Variants in MICALL2 observed in about 807,000 individuals in gnomAD.
MICALL2 encodes MICAL-like protein 2.
MICALL2 carries 111 observed loss-of-function variants against 91.1 expected under a neutral mutation model. That is an observed-to-expected ratio of 1.22 (90% CI 1.04 to 1.43). The LOEUF (loss-of-function observed/expected upper bound fraction) is 1.43. MICALL2 is among the 40% of genes most tolerant of loss of function. The pLI, the probability that MICALL2 is intolerant of heterozygous loss-of-function variation, is 0.00. For synonymous variants in MICALL2, 694 were observed against 525.3 expected (o/e 1.32, Z -4.39); for missense variants, 1,556 against 1,236.0 (o/e 1.26, Z -3.88).
chr7:1,444,381 G>A (rs1780458454), intron 6 of MICALL2, among the ~76,000 whole-genome samples: 1 of 152,208 alleles, frequency 6.6e-6, no homozygotes, highest in Non-Finnish European at 1.5e-5. Flanking sequence ...GGGGGCCCCG[G>A]AGCGGCAGCG....
intron 9 of MICALL2, chr7:1,439,451 C>A: frequency 5.5e-6 from 1 of 181,384 alleles, no homozygotes; most frequent in South Asian, 1.2e-4. Flanking sequence ...GACACACATG[C>A]ATCGCACATG....
chr7:1,439,111 G>A (rs1584201637), intron 9 of MICALL2, 116 bp from the exon 10 acceptor site: 1 of 811,030 alleles, frequency 1.2e-6, no homozygotes, highest in Non-Finnish European at 1.9e-6. Flanking sequence ...CATGCCCTGG[G>A]CCTCCCGACT....
intron 2 of MICALL2, 65 bp downstream of exon 2, chr7:1,450,175 C>T (rs1390260654): frequency 4.4e-6 from 6 of 1,369,378 alleles, no homozygotes; most frequent in East Asian, 2.3e-5. Flanking sequence ...CTCGGTCCCT[C>T]GGACGTGGGT....
rs1780810984 is a variant in MICALL2 at position 1,451,117 on chromosome 7, T to C, written c.144-829A>G. ...TGACTCGCACACTACACCACAGGGATGCAAGGGTCCCGGGAAGTTCCCGAG... is the reference window on the plus strand; with the variant it reads ...TGACTCGCACACTACACCACAGGGACGCAAGGGTCCCGGGAAGTTCCCGAG... On this transcript the variant is annotated intron_variant, in intron 1 of 16. Coordinates refer to ENST00000297508, the MANE Select transcript of MICALL2 (RefSeq NM_182924.4). This position sits in a 1 kb window ranked among gnomAD's most constrained non-coding sequence, Gnocchi z 4.5. Among the ~76,000 whole-genome samples, 2 of 152,062 alleles carry C rather than the reference T, an allele frequency of 1.3e-5. No individual in the cohort carries two copies. Among genetic ancestry groups the C allele is most frequent in the African/African-American group, 4.8e-5 (2 of 41,414 alleles).
Position 1,447,671 on chromosome 7 carries a change from C to A in MICALL2, c.429G>T (p.Ser143=). The A allele has an allele frequency of 6.3e-7, 1 of 1,585,570 alleles. No homozygotes were observed. The highest frequency in any genetic ancestry group is 1.2e-5 in the South Asian group (1 of 86,756). Residue 143 remains serine (S), a synonymous_variant, in exon 4 of 17, where the codon TCG becomes TCT. Transcript: ENST00000297508. The part of the protein sequence containing the change: ...KAPVQAAKLP[S]PAPARKPPLS... ...GTGGAGGCTTCCGGGCTGGGGCGGG[C>A]GAGGGCAGCTTGGCCGCCTGGACTG...
intron 9 of MICALL2, 30 bp from the exon 10 acceptor site, chr7:1,439,025 C>A: frequency 6.5e-7 from 1 of 1,549,780 alleles, no homozygotes; most frequent in East Asian, 2.3e-5. Context: ...CAGAGCCACG[C>A]TTCAGAGCAG....
intron 1 of MICALL2, among the ~76,000 whole-genome samples, chr7:1,458,227 G>A (rs538896579): frequency 6.6e-6 from 1 of 152,340 alleles, no homozygotes; most frequent in Admixed American, 6.5e-5. Flanking sequence ...TGTGACCTGA[G>A]CAAGGACCCC....
intron 2 of MICALL2, among the ~76,000 whole-genome samples, chr7:1,449,466 C>T (rs1308886071): frequency 3.3e-5 from 5 of 152,232 alleles, no homozygotes; most frequent in Non-Finnish European, 5.9e-5. Context: ...CGCACCACCA[C>T]GCCCCACTAA....
Position 1,445,140 on chromosome 7 carries a change from G to C in MICALL2, c.930C>G (p.Ser310Arg). The C allele has an allele frequency of 6.4e-7, 1 of 1,567,026 alleles. No individual in the cohort carries two copies. Among genetic ancestry groups the C allele is most frequent in the Non-Finnish European group, 8.6e-7 (1 of 1,157,024 alleles). Residue 310 changes from serine (S) to arginine (R), a missense_variant, in exon 6 of 17, where the codon AGC (serine) becomes AGG (arginine). Coordinates refer to ENST00000297508, the MANE Select transcript of MICALL2 (RefSeq NM_182924.4). ...GGCTCCTCACGTGGACGGACGTGGC[G>C]CTGGTGGCTGCAGGGTTGGGTGCAG... is the stretch of plus-strand genomic sequence containing the variant. ...VPAAPNPAATSATSVHVRSPA... is the reference protein window; with the variant it reads ...VPAAPNPAATRATSVHVRSPA...
At chr7:1,439,299 GCA>G (rs769110277) in intron 9 of MICALL2, 2 of 388,320 alleles carry the variant, frequency 5.2e-6, no homozygotes, top group Non-Finnish European at 9.4e-6. Context: ...AGATGTGTGT[GCA>G]CACACACGCA....
intron 16 of MICALL2, 62 bp downstream of exon 16, chr7:1,435,039 A>C (rs1317557819): frequency 4.3e-6 from 5 of 1,158,348 alleles, no homozygotes; most frequent in East Asian, 5.5e-5. Flanking sequence ...CCAGCCCAGC[A>C]CTCAGCATCC....
chr7:1,445,415 A>G lies in MICALL2; in HGVS notation c.655T>C (p.Ser219Pro). Residue 219 changes from serine to proline, a missense_variant, in exon 6 of 17, where the codon TCC (serine) becomes CCC (proline). Ser to Pro is a moderately conservative substitution (Grantham distance 74). Transcript: ENST00000297508. ...TAGGCCCCCGAGTGCAGCGTGCAGGAGCACTGCTTACACCTGGGGGAGGAA... is the reference window on the plus strand; with the variant it reads ...TAGGCCCCCGAGTGCAGCGTGCAGGGGCACTGCTTACACCTGGGGGAGGAA... The part of the protein sequence containing the change: ...HRSCFRCKQC[S>P]CTLHSGAYKA... 3.2e-6 allele frequency: 5 copies of G among 1,546,438 alleles called. No homozygotes were observed. Among genetic ancestry groups the G allele is most frequent in the Non-Finnish European group, 4.3e-6 (5 of 1,152,888 alleles).
rs111251626 is a variant in MICALL2, at chr7:1,437,694, T to G, written c.2403-86A>C. 1.4e-3 allele frequency: 2,030 copies of G among 1,408,402 alleles called. 8 individuals carry two copies. The African/African-American group carries it at 0.022, about 16-fold the overall frequency. 87.2% of individuals were successfully genotyped at this position (1,408,402 alleles called of 1,614,324 possible). On this transcript the variant is annotated intron_variant, in intron 13 of 16. Transcript: ENST00000297508. ...CCAGCCCGCAACGAGGTCCTGGACC[T>G]GCCACACAGACACGAGTCTGAGGCC...
In MICALL2 at chr7:1,437,103, A is replaced by G. The variant is rs1780006232; in HGVS notation, c.2477-247T>C. On this transcript the variant is annotated intron_variant, in intron 14 of 16. Transcript: ENST00000297508. ...CACCACTCGCTGCAGAGATATGGACACTGAGGCTCAGGGCGTCGCTGTCCC... is the reference window on the plus strand; with the variant it reads ...CACCACTCGCTGCAGAGATATGGACGCTGAGGCTCAGGGCGTCGCTGTCCC... 22 of 485,544 alleles carry G rather than the reference A, an allele frequency of 4.5e-5. No individual in the cohort carries two copies. The East Asian group carries it at 5.5e-4, about 12-fold the overall frequency. The allele number at this position is 485,544 out of a possible 1,614,324, so 30.1% of individuals were successfully genotyped here.
In MICALL2 at chr7:1,438,851, T is replaced by C. The variant is rs147648816; in HGVS notation, c.2111A>G (p.Gln704Arg). 1.9e-6 allele frequency: 3 copies of C among 1,606,110 alleles called. No individual in the cohort carries two copies. In the Admixed American group the frequency reaches 5.0e-5, roughly 27 times the overall value. The change falls in exon 10 of 17, where the codon CAG becomes CGG. Residue 704 changes from glutamine to arginine, a missense_variant. Gln to Arg is a conservative substitution (Grantham distance 43). Transcript: ENST00000297508. ...TCTCTGGGGCTGACCTGGTTTGCCC[T>C]GAAGGTGAGGTTTCTTCTCCTCCTC... is the stretch of plus-strand genomic sequence containing the variant. Reference protein sequence around the residue: ...WKEEEKKPHLQGKPGRPLSPA... With the variant: ...WKEEEKKPHLRGKPGRPLSPA...
rs376219576 is a variant in MICALL2, at chr7:1,439,942, G to C, written c.1949C>G (p.Pro650Arg). The change falls in exon 9 of 17, where the codon CCA (proline) becomes CGA (arginine). Residue 650 changes from proline (P) to arginine (R), a missense_variant. Transcript: ENST00000297508. ...RPDRTPRPAS[P>R]GPSLPARSPS... ...AGGAGTACCTGGGAGGCTGGGTCCT[G>C]GGCTGGCTGGGCGTGGGGTCCTGTC... The C allele has an allele frequency of 9.5e-5, 142 of 1,488,264 alleles. No individual in the cohort carries two copies. The highest frequency in any genetic ancestry group is 1.2e-4 in the Non-Finnish European group (136 of 1,127,460). 92.2% of individuals were successfully genotyped at this position (1,488,264 alleles called of 1,614,324 possible). A position where few individuals can be genotyped will look rare whatever the true frequency, so the allele number is the denominator to read the frequency against.
chr7:1,442,206 G>A lies in MICALL2; in HGVS notation c.1697C>T (p.Thr566Ile), dbSNP rs753412897. The A allele has an allele frequency of 6.2e-7, 1 of 1,612,640 alleles. No individual in the cohort carries two copies. Among genetic ancestry groups the A allele is most frequent in the South Asian group, 1.1e-5 (1 of 91,082 alleles). ...CCCTTACTCACCCTGCGTTAAGGTGGTGCTTTTACCCTTTGCCATCGGGGC... is the reference window on the plus strand; with the variant it reads ...CCCTTACTCACCCTGCGTTAAGGTGATGCTTTTACCCTTTGCCATCGGGGC... ...PEAPMAKGKS[T>I]TLTQDMSTSL... Residue 566 changes from threonine (T) to isoleucine (I), a missense_variant, in exon 7 of 17, where the codon ACC (threonine) becomes ATC (isoleucine). Transcript: ENST00000297508.
rs915649844 is a variant in MICALL2 at position 1,451,190 on chromosome 7, AAG to A, written c.144-904_144-903del. On this transcript the variant is annotated intron_variant, in intron 1 of 16. Transcript: ENST00000297508. This position sits in a 1 kb window ranked among gnomAD's most constrained non-coding sequence, Gnocchi z 4.5. ...ACAGCAGGGCCCTTCTGGGGACGCCAAGAGGACAGCCCCACGTGACCTCCAGC... is the reference window on the plus strand; with the variant it reads ...ACAGCAGGGCCCTTCTGGGGACGCCAAGGACAGCCCCACGTGACCTCCAGC... 3.3e-5 allele frequency among the ~76,000 whole-genome samples: 5 copies of A among 152,004 alleles called. No individual in the cohort carries two copies. The highest frequency in any genetic ancestry group is 1.2e-4 in the African/African-American group (5 of 41,466).
Position 1,440,685 on chromosome 7 carries a change from C to G in MICALL2, c.1712-1G>C. ...CCTTCCTGGAGGCTGGTGCTCATGT[C>G]TGGGTGGGAGGCAAGGGGTCTGGGT... On this transcript the variant is annotated splice_acceptor_variant, in intron 7 of 16. Coordinates refer to ENST00000297508, the MANE Select transcript of MICALL2 (RefSeq NM_182924.4). LOFTEE classifies it high-confidence loss of function. The G allele has an allele frequency of 6.2e-7, 1 of 1,611,056 alleles. No homozygotes were observed. The highest frequency in any genetic ancestry group is 8.5e-7 in the Non-Finnish European group (1 of 1,179,638).
Sources: allele counts gnomAD v4.1 joint callset (sites outside exome capture counted in the v4.1 genomes callset), GRCh38; gene constraint gnomAD v4.1.1; non-coding constraint Gnocchi (gnomAD v3.1); transcripts MANE v1.5; gene names NCBI Gene and HGNC (gene_info 2026-07-23, HGNC 2026-07-21).